Variants in FMNL2 observed in about 807,000 individuals in gnomAD.
FMNL2 encodes formin-like protein 2.
FMNL2 carries 51 observed loss-of-function variants against 130.2 expected under a neutral mutation model. The observed-to-expected ratio is 0.39, with a 90% CI of 0.31 to 0.49. The LOEUF (loss-of-function observed/expected upper bound fraction) is 0.49, where lower values mean the gene tolerates loss of function less well. Ranked by LOEUF, FMNL2 falls within the 20% of genes least tolerant of loss-of-function variation. The pLI is 0.85. For synonymous variants in FMNL2, 465 were observed against 467.1 expected, an observed-to-expected ratio of 1.00 and a Z score of 0.06; for missense variants, 977 against 1,316.2, an observed-to-expected ratio of 0.74 and a Z score of 3.99.
At chr2:152,639,209 C>T (rs1682879715) in intron 23 of FMNL2, among the ~76,000 whole-genome samples, 1 of 152,208 alleles carries the variant, frequency 6.6e-6, no homozygotes. Flanking sequence ...GACATCATCC[C>T]TCTCATATAG....
Position 152,549,029 on chromosome 2 carries a change from A to G in FMNL2, c.291A>G (p.Arg97=). 6.2e-7 allele frequency: 1 copy of G among 1,606,532 alleles called. No individual in the cohort carries two copies. The highest frequency in any genetic ancestry group is 8.5e-7 in the Non-Finnish European group (1 of 1,177,316). ...LDPAVTRKKF[R]RRVQESTQVL... is the part of the protein sequence containing the mutation. ...GTGTTCTTGAATTATAGAAATTCAG[A>G]CGGCGTGTTCAAGAATCTACACAAG... Residue 97 remains arginine (R), a synonymous_variant, in exon 4 of 26, where the codon AGA becomes AGG. Coordinates refer to ENST00000288670, the MANE Select transcript of FMNL2 (RefSeq NM_052905.4).
chr2:152,413,535 G>C (rs982959048), intron 1 of FMNL2, among the ~76,000 whole-genome samples: 4 of 152,130 alleles, frequency 2.6e-5, no homozygotes, highest in Non-Finnish European at 2.9e-5. Flanking sequence ...GGAGGAGAAG[G>C]TGGGGCAAGG....
chr2:152,593,902 T>TGTGAGA (rs1296082394), intron 9 of FMNL2, among the ~76,000 whole-genome samples: 35 of 81,632 alleles, frequency 4.3e-4, no homozygotes, highest in Admixed American at 2.3e-3. Context: ...TGTGTGTGTG[T>TGTGAGA]GAGAGAGAGA....
intron 1 of FMNL2, among the ~76,000 whole-genome samples, chr2:152,417,677 C>T (rs955687404): frequency 1.3e-5 from 2 of 152,128 alleles, no homozygotes; most frequent in Non-Finnish European, 2.9e-5. Context: ...CTTCCATCTA[C>T]GGTTGCTGCC....
At chr2:152,405,782 C>T (rs544975484) in intron 1 of FMNL2, among the ~76,000 whole-genome samples, 12 of 152,098 alleles carry the variant, frequency 7.9e-5, no homozygotes, top group Non-Finnish European at 1.5e-4. Flanking sequence ...GGTTCTGGGT[C>T]TTTGATTTTT....
In FMNL2 at chr2:152,593,770, G is replaced by A. The variant is rs72869584; in HGVS notation, c.876+12721G>A. 3.8e-3 allele frequency among the ~76,000 whole-genome samples: 573 copies of A among 151,102 alleles called. 2 individuals are homozygous for A. The highest frequency in any genetic ancestry group is 0.01 in the Middle Eastern group (3 of 290). On this transcript the variant is annotated intron_variant, in intron 9 of 25. Transcript: ENST00000288670. Reference sequence around the variant, plus strand: ...TTTTTTTAGTGGGGGTGTAATGCCCGAGGTCAGATTCTTAGCTGTGCAATG... The same window carrying A: ...TTTTTTTAGTGGGGGTGTAATGCCCAAGGTCAGATTCTTAGCTGTGCAATG...
At chr2:152,466,112 T>C (rs543038017) in intron 1 of FMNL2, among the ~76,000 whole-genome samples, 1 of 152,262 alleles carries the variant, frequency 6.6e-6, no homozygotes, top group Admixed American at 6.5e-5. Flanking sequence ...AACAGGCAAA[T>C]AAGGAGACTG....
intron 1 of FMNL2, among the ~76,000 whole-genome samples, chr2:152,453,400 T>C (rs753654856): frequency 4.6e-5 from 7 of 152,150 alleles, no homozygotes; most frequent in Non-Finnish European, 1.0e-4. Flanking sequence ...CTGTGACTTA[T>C]TGGGGATTAT....
intron 1 of FMNL2, among the ~76,000 whole-genome samples, chr2:152,389,613 C>G (rs141482960): frequency 6.6e-6 from 1 of 152,122 alleles, no homozygotes; most frequent in African/African-American, 2.4e-5. Context: ...CGGCGTGACC[C>G]GAAGTAGTGG....
chr2:152,446,646 A>G (rs931645388), intron 1 of FMNL2, among the ~76,000 whole-genome samples: 2 of 152,248 alleles, frequency 1.3e-5, no homozygotes, highest in Non-Finnish European at 2.9e-5. Context: ...TCAACTGGAT[A>G]AAGAATGTAA....
At chr2:152,438,428 C>T (rs1372697493) in intron 1 of FMNL2, among the ~76,000 whole-genome samples, 2 of 152,096 alleles carry the variant, frequency 1.3e-5, no homozygotes, top group Non-Finnish European at 2.9e-5. Flanking sequence ...AGATCAAGTC[C>T]CTGGAGGAAG....
At chr2:152,472,001 T>C (rs1353818279) in intron 1 of FMNL2, among the ~76,000 whole-genome samples, 1 of 152,232 alleles carries the variant, frequency 6.6e-6, no homozygotes, top group African/African-American at 2.4e-5. Context: ...TGATCACATC[T>C]GCTCTAATCT....
At chr2:152,536,385 C>G (rs999296586) in intron 2 of FMNL2, among the ~76,000 whole-genome samples, 2 of 152,130 alleles carry the variant, frequency 1.3e-5, no homozygotes, top group South Asian at 2.1e-4. Flanking sequence ...TTAGTACTTA[C>G]TAATAGCAAT....
At chr2:152,366,813 A>G (rs1267258698) in intron 1 of FMNL2, among the ~76,000 whole-genome samples, 1 of 152,096 alleles carries the variant, frequency 6.6e-6, no homozygotes. Context: ...AACAAATACA[A>G]AAATTAGCCA....
At chr2:152,522,874 A>G (rs1693171637) in intron 2 of FMNL2, among the ~76,000 whole-genome samples, 2 of 152,200 alleles carry the variant, frequency 1.3e-5, no homozygotes, top group Admixed American at 1.3e-4. Flanking sequence ...TAGCTGTTAT[A>G]TGATGCTGTC....
chr2:152,609,371 C>T (rs1395401080), intron 10 of FMNL2, among the ~76,000 whole-genome samples: 1 of 152,142 alleles, frequency 6.6e-6, no homozygotes, highest in Non-Finnish European at 1.5e-5. Context: ...GTTTTCTCTC[C>T]AGAATATGAG....
intron 15 of FMNL2, 170 bp from the exon 16 acceptor site, chr2:152,625,268 T>C (rs1681702313): frequency 1.5e-6 from 1 of 647,168 alleles, no homozygotes; most frequent in South Asian, 3.4e-5. Context: ...CTCAAATGGC[T>C]CTGGCCAAGG....
chr2:152,360,073 T>C (rs6715843), intron 1 of FMNL2, among the ~76,000 whole-genome samples: 116,233 of 152,108 alleles, frequency 0.76, 45,567 homozygotes, highest in Admixed American at 0.86. Context: ...GATGGCTTAT[T>C]GAAATGGAAT....
At position 152,637,591 on chromosome 2, in the gene FMNL2, G is replaced by C; in HGVS notation, c.2863G>C (p.Val955Leu). 6.2e-7 allele frequency: 1 copy of C among 1,613,966 alleles called. No homozygotes were observed. The highest frequency in any genetic ancestry group is 8.5e-7 in the Non-Finnish European group (1 of 1,179,878). ...KIAQDAFDDVVKYFGENPKTT... is the reference protein window; with the variant it reads ...KIAQDAFDDVLKYFGENPKTT... Reference sequence around the variant, plus strand: ...TTCACAGGATGCCTTTGATGATGTTGTGAAGTATTTTGGAGAAAACCCCAA... The same window carrying C: ...TTCACAGGATGCCTTTGATGATGTTCTGAAGTATTTTGGAGAAAACCCCAA... The change falls in exon 23 of 26, where the codon GTG becomes CTG. Residue 955 changes from valine (V) to leucine (L), a missense_variant. Val to Leu is a conservative substitution (Grantham distance 32, BLOSUM62 1). Around this residue, in one of 4 missense-constraint regions of FMNL2, gnomAD observed 168 missense variants for 168.8 expected, o/e 1.00. Transcript: ENST00000288670.
Sources: allele counts gnomAD v4.1 joint callset (sites outside exome capture counted in the v4.1 genomes callset), GRCh38; gene constraint gnomAD v4.1.1; regional missense constraint gnomAD v4.1.1; transcripts MANE v1.5; gene names NCBI Gene and HGNC (gene_info 2026-07-23, HGNC 2026-07-21).